The following AHRR variants were observed in gnomAD, a reference collection of about 807,000 sequenced individuals.
AHRR encodes the protein aryl hydrocarbon receptor repressor.
AHRR carries 28 observed loss-of-function variants against 44.0 expected under a neutral mutation model. The observed-to-expected ratio is 0.64, with a 90% CI of 0.47 to 0.87. The LOEUF (loss-of-function observed/expected upper bound fraction) is 0.87. Among genes scored for constraint, AHRR ranks in the 40% least tolerant of loss-of-function variants. The pLI, the probability that AHRR is intolerant of heterozygous loss-of-function variation, is 0.00. For synonymous variants in AHRR, 434 were observed against 407.0 expected (o/e 1.07, Z -0.80); for missense variants, 990 against 953.9 (o/e 1.04, Z -0.50).
At chr5:433,692 T>TGG (rs57623448) in intron 10 of AHRR, among the ~76,000 whole-genome samples, 161 bp from the exon 11 acceptor site, 3 of 151,972 alleles carry the variant, frequency 2.0e-5, no homozygotes, top group Admixed American at 6.6e-5. Context: ...CCTGGGCTGC[T>TGG]GGGGGGGTTA....
intron 8 of AHRR, among the ~76,000 whole-genome samples, chr5:430,100 C>G (rs1455928420): frequency 6.6e-6 from 1 of 152,084 alleles, no homozygotes; most frequent in Admixed American, 6.5e-5. Context: ...CTGTGGCAGG[C>G]GCGTTGGGGT....
At position 326,797 on chromosome 5, in the gene AHRR, G is replaced by A. The variant is rs1044311476; in HGVS notation, c.-11+4978G>A. ...ATAGCTGGCCCGGCGCATGGTTCAC[G>A]CCTGTAATCCCTGCACTTTGGGAGG... On this transcript the variant is annotated intron_variant, in intron 1 of 10. Coordinates refer to ENST00000684583, the MANE Select transcript of AHRR (RefSeq NM_001377236.1). This position sits in a 1 kb window ranked among gnomAD's most constrained non-coding sequence, Gnocchi z 4.1. 4.6e-5 allele frequency among the ~76,000 whole-genome samples: 7 copies of A among 152,128 alleles called. No individual in the cohort carries two copies. The highest frequency in any genetic ancestry group is 2.1e-4 in the South Asian group (1 of 4,824).
intron 2 of AHRR, among the ~76,000 whole-genome samples, chr5:344,313 C>T (rs1292612896): frequency 1.3e-5 from 2 of 150,584 alleles, no homozygotes; most frequent in South Asian, 4.2e-4. Flanking sequence ...CAGGCGAGAC[C>T]GCCACCCGCT....
intron 8 of AHRR, chr5:432,138 G>A (rs544849682): frequency 7.2e-5 from 24 of 335,460 alleles, no homozygotes; most frequent in African/African-American, 1.9e-4. Flanking sequence ...AGAATGGACC[G>A]TATTTTCTTT....
rs1735172576 is a variant in AHRR at position 404,473 on chromosome 5, C to T, written c.352-8871C>T. 1 of 487,412 alleles carries T rather than the reference C, an allele frequency of 2.1e-6. No individual in the cohort carries two copies. The highest frequency in any genetic ancestry group is 1.6e-5 in the South Asian group (1 of 62,100). The allele number at this position is 487,412 out of a possible 1,614,324, so 30.2% of individuals were successfully genotyped here. On this transcript the variant is annotated intron_variant, in intron 4 of 10. Transcript: ENST00000684583. This position sits in a 1 kb window ranked among gnomAD's most constrained non-coding sequence, Gnocchi z 4.1. ...GGTGCTGTCGTGCACGGTGTGTTCA[C>T]CAAAACATCTAACGCAACTATTTTC...
intron 3 of AHRR, among the ~76,000 whole-genome samples, chr5:360,038 T>G (rs371285828): frequency 6.6e-6 from 1 of 152,236 alleles, no homozygotes; most frequent in African/African-American, 2.4e-5. Flanking sequence ...CCTTCACCTA[T>G]TCATATAGTG....
chr5:407,735 C>T (rs1735322076), intron 4 of AHRR, among the ~76,000 whole-genome samples: 1 of 152,170 alleles, frequency 6.6e-6, no homozygotes, highest in South Asian at 2.1e-4. Flanking sequence ...GACAGGGTTT[C>T]ACCATGTTGG....
chr5:402,087 A>G (rs968120899), intron 4 of AHRR, among the ~76,000 whole-genome samples: 2 of 152,258 alleles, frequency 1.3e-5, no homozygotes, highest in Admixed American at 1.3e-4. Flanking sequence ...TACATAAGGA[A>G]CCCAGCCAAC....
intron 3 of AHRR, among the ~76,000 whole-genome samples, chr5:359,759 G>A (rs1177784970): frequency 5.3e-5 from 8 of 152,248 alleles, no homozygotes; most frequent in Admixed American, 1.3e-4. Flanking sequence ...AAGCCCACCC[G>A]GGCTGAACGG....
At chr5:420,586 G>T (rs1736031619) in intron 5 of AHRR, among the ~76,000 whole-genome samples, 1 of 152,216 alleles carries the variant, frequency 6.6e-6, no homozygotes, top group Admixed American at 6.5e-5. Flanking sequence ...GAAGATAACA[G>T]GGCAGAGCTA....
At chr5:367,404 T>A (rs1420522808) in intron 3 of AHRR, among the ~76,000 whole-genome samples, 1 of 152,172 alleles carries the variant, frequency 6.6e-6, no homozygotes, top group Non-Finnish European at 1.5e-5. Context: ...AATATAAGAA[T>A]AACCAACACC....
intron 4 of AHRR, among the ~76,000 whole-genome samples, chr5:391,308 T>TG (rs57717421): frequency 0.61 from 77,686 of 127,214 alleles, 24,495 homozygotes; most frequent in South Asian, 0.74. Flanking sequence ...ATTAGGAAGG[T>TG]GGGCCAGAGC....
intron 1 of AHRR, among the ~76,000 whole-genome samples, chr5:324,952 C>A (rs1022579208): frequency 6.6e-6 from 1 of 152,220 alleles, no homozygotes; most frequent in South Asian, 2.1e-4. Context: ...TTACCAGAAC[C>A]CTTGATTTTA....
In AHRR at chr5:434,318, G is replaced by A. The variant is rs35797996; in HGVS notation, c.1578G>A (p.Thr526=). Residue 526 remains threonine, a synonymous_variant, in exon 11 of 11, where the codon ACG becomes ACA. Transcript: ENST00000684583. ...CTCCGGGGGACCTGTGTGGTCCGAC[G>A]CTGCTGCTAGATGTGTCCATCAAGA... ...PMPPGDLCGP[T]LLLDVSIKME... The A allele has an allele frequency of 2.1e-5, 34 of 1,611,310 alleles. No homozygotes were observed. Among genetic ancestry groups the A allele is most frequent in the African/African-American group, 1.2e-4 (9 of 74,994 alleles).
intron 5 of AHRR, among the ~76,000 whole-genome samples, chr5:416,451 G>C (rs547286156): frequency 6.6e-6 from 1 of 152,384 alleles, no homozygotes; most frequent in South Asian, 2.1e-4. Context: ...CTAGGCGGCT[G>C]CTGTTGACAC....
chr5:342,347 G>A lies in AHRR; in HGVS notation c.-10-1546G>A, dbSNP rs1443235038. ...ATGTGTTTTGAAGCTCCATTGCTAGGTACATTTACCTTTAGGATTGTCAGA... is the reference window on the plus strand; with the variant it reads ...ATGTGTTTTGAAGCTCCATTGCTAGATACATTTACCTTTAGGATTGTCAGA... On this transcript the variant is annotated intron_variant, in intron 1 of 10. Transcript: ENST00000684583. This position sits in a 1 kb window ranked among gnomAD's most constrained non-coding sequence, Gnocchi z 4.3. 6.6e-6 allele frequency among the ~76,000 whole-genome samples: 1 copy of A among 152,108 alleles called. No homozygotes were observed. Among genetic ancestry groups the A allele is most frequent in the African/African-American group, 2.4e-5 (1 of 41,408 alleles).
intron 7 of AHRR, among the ~76,000 whole-genome samples, chr5:426,596 C>T (rs1736404925): frequency 1.5e-5 from 2 of 136,128 alleles, no homozygotes; most frequent in Admixed American, 7.5e-5. Context: ...CATAGATGGA[C>T]AAATGGAAAG....
Position 431,777 on chromosome 5 carries a change from C to G in AHRR, c.909-686C>G, listed in dbSNP as rs188797707. On this transcript the variant is annotated intron_variant, in intron 8 of 10. Coordinates refer to ENST00000684583, the MANE Select transcript of AHRR (RefSeq NM_001377236.1). ...TCACTGGGACCCCCATGTCAACACA[C>G]CCTGTGCTTTGCAGCCATTCATGGA... Among the ~76,000 whole-genome samples, 20 of 152,342 alleles carry G rather than the reference C, an allele frequency of 1.3e-4. No homozygotes were observed. In the East Asian group the frequency reaches 2.3e-3, roughly 18 times the overall value.
chr5:403,187 T>TG lies in AHRR; in HGVS notation c.352-10154dup, dbSNP rs1309805782. ...GGCAAATTCGGAGGCAGAAAGCGGGTGGGACGTACCGGGCTGAGGAGGGGA... is the reference window on the plus strand; with the variant it reads ...GGCAAATTCGGAGGCAGAAAGCGGGTGGGGACGTACCGGGCTGAGGAGGGGA... On this transcript the variant is annotated intron_variant, in intron 4 of 10. Transcript: ENST00000684583. Among the ~76,000 whole-genome samples the TG allele has an allele frequency of 2.0e-5, 3 of 151,946 alleles. No individual in the cohort carries two copies. In the East Asian group the frequency reaches 5.8e-4, roughly 29 times the overall value.
Sources: gnomAD v4.1 joint callset for allele counts (sites outside exome capture counted in the v4.1 genomes callset) on GRCh38, gnomAD v4.1.1 for gene constraint, Gnocchi (gnomAD v3.1) non-coding constraint, MANE v1.5 for transcripts, NCBI Gene and HGNC (gene_info 2026-07-23, HGNC 2026-07-21) for gene names.